PIK3C2G: variants seen among roughly 807,000 people sequenced by gnomAD.
PIK3C2G encodes phosphatidylinositol-4-phosphate 3-kinase catalytic subunit type 2 gamma.
A neutral mutation model predicts 181.1 loss-of-function variants in PIK3C2G; 168 were observed. That is an observed-to-expected ratio of 0.93 (90% CI 0.82 to 1.05). The LOEUF is 1.05. Among genes scored for constraint, PIK3C2G ranks in the 50% least tolerant of loss-of-function variants. PIK3C2G has a pLI of 0.00. For missense variants in PIK3C2G, 1,869 were observed against 1,732.8 expected (o/e 1.08, Z -1.40); for synonymous variants, 573 against 592.2 (o/e 0.97, Z 0.47).
chr12:18,668,775 C>T, the PIK3C2G span, among the ~76,000 whole-genome samples: 4 of 152,098 alleles, frequency 2.6e-5, no homozygotes, highest in Admixed American at 1.3e-4. Flanking sequence ...GGAATGCTGC[C>T]TGCTGATATT....
At chr12:18,614,866 A>G (rs1490111556) in intron 31 of PIK3C2G, among the ~76,000 whole-genome samples, 1 of 152,110 alleles carries the variant, frequency 6.6e-6, no homozygotes, top group East Asian at 1.9e-4. Flanking sequence ...TCTGCTTACC[A>G]CTGAAACCAT....
chr12:18,610,552 G>C (rs904850817), intron 31 of PIK3C2G, among the ~76,000 whole-genome samples: 1 of 152,006 alleles, frequency 6.6e-6, no homozygotes, highest in Non-Finnish European at 1.5e-5. Flanking sequence ...CAAACCTCTG[G>C]TGCTCACTAT....
intron 20 of PIK3C2G, among the ~76,000 whole-genome samples, chr12:18,494,947 C>T (rs1940880382): frequency 1.3e-5 from 2 of 151,804 alleles, no homozygotes; most frequent in South Asian, 4.1e-4. Flanking sequence ...CTTACTGAAT[C>T]AATTTGATTT....
intron 31 of PIK3C2G, among the ~76,000 whole-genome samples, chr12:18,625,426 T>C (rs1000189655): frequency 6.6e-6 from 1 of 151,808 alleles, no homozygotes; most frequent in Non-Finnish European, 1.5e-5. Context: ...CTAAGACTTT[T>C]ATTACGGCCT....
At chr12:18,610,543 A>G (rs1426784429) in intron 31 of PIK3C2G, among the ~76,000 whole-genome samples, 1 of 152,156 alleles carries the variant, frequency 6.6e-6, no homozygotes, top group African/African-American at 2.4e-5. Context: ...GCGTGTTTGC[A>G]AACCTCTGGT....
chr12:18,443,382 T>G (rs1946852419), intron 18 of PIK3C2G, among the ~76,000 whole-genome samples: 1 of 152,170 alleles, frequency 6.6e-6, no homozygotes, highest in South Asian at 2.1e-4. Flanking sequence ...GTATATTTAT[T>G]TAATTTGAGA....
intron 15 of PIK3C2G, among the ~76,000 whole-genome samples, chr12:18,392,578 T>G (rs1290725229): frequency 6.6e-6 from 1 of 151,614 alleles, no homozygotes; most frequent in Non-Finnish European, 1.5e-5. Flanking sequence ...GGCTTTCACT[T>G]AAATGTCACC....
intron 4 of PIK3C2G, among the ~76,000 whole-genome samples, chr12:18,292,815 A>C (rs1032641587): frequency 1.3e-5 from 2 of 152,190 alleles, no homozygotes; most frequent in African/African-American, 4.8e-5. Context: ...AGGAAGAAGA[A>C]CCAACGGTGG....
At chr12:18,300,090 A>G (rs1163487910) in intron 5 of PIK3C2G, among the ~76,000 whole-genome samples, 1 of 151,926 alleles carries the variant, frequency 6.6e-6, no homozygotes, top group Admixed American at 6.6e-5. Context: ...TTTTGTGACT[A>G]GTTTGAAAAT....
chr12:18,437,787 C>T (rs561784189), intron 18 of PIK3C2G, among the ~76,000 whole-genome samples: 2 of 152,030 alleles, frequency 1.3e-5, no homozygotes, highest in South Asian at 4.1e-4. Context: ...TTACACAAGA[C>T]AGTCTAGATA....
chr12:18,405,397 G>GTGTTGTTGTTGTTGTTGT (rs58282294), intron 16 of PIK3C2G, among the ~76,000 whole-genome samples: 2 of 139,788 alleles, frequency 1.4e-5, no homozygotes, highest in Non-Finnish European at 3.1e-5. Flanking sequence ...AGCAACATTT[G>GTGTTGTTGTTGTTGTTGT]TGTTGTTGTT....
chr12:18,420,542 T>A (rs1945423919), intron 16 of PIK3C2G, among the ~76,000 whole-genome samples: 1 of 152,146 alleles, frequency 6.6e-6, no homozygotes, highest in African/African-American at 2.4e-5. Context: ...TGGTTAAAAA[T>A]ATTAGATCAC....
chr12:18,698,522 A>T, the PIK3C2G span, among the ~76,000 whole-genome samples: 2 of 152,178 alleles, frequency 1.3e-5, no homozygotes, highest in African/African-American at 2.4e-5. Context: ...AAGGTTAATC[A>T]TTAAAGCTTT....
chr12:18,309,180 G>C (rs1393687761), intron 5 of PIK3C2G, among the ~76,000 whole-genome samples: 1 of 151,654 alleles, frequency 6.6e-6, no homozygotes, highest in African/African-American at 2.4e-5. Flanking sequence ...AGAGTCCATT[G>C]GTCTGTCTTG....
At chr12:18,463,831 A>G (rs915927109) in intron 18 of PIK3C2G, among the ~76,000 whole-genome samples, 1 of 152,134 alleles carries the variant, frequency 6.6e-6, no homozygotes, top group African/African-American at 2.4e-5. Context: ...TATATTATCC[A>G]TAAATGAGTT....
chr12:18,524,987 A>G lies in PIK3C2G; in HGVS notation c.3324-13169A>G, dbSNP rs1403421438. On this transcript the variant is annotated intron_variant, in intron 24 of 32. Coordinates refer to ENST00000538779, the MANE Select transcript of PIK3C2G (RefSeq NM_001288772.2). The stretch of plus-strand genomic sequence containing the variant: ...TGAGGGCTTTATAAAAGTTTGTTGC[A>G]ATTAATGTAAGTGTTCCAAATGAAG... 3.9e-5 allele frequency among the ~76,000 whole-genome samples: 6 copies of G among 152,316 alleles called. No individual in the cohort carries two copies. The South Asian group carries it at 8.3e-4, about 21-fold the overall frequency.
intron 24 of PIK3C2G, among the ~76,000 whole-genome samples, chr12:18,528,311 T>C (rs886525562): frequency 1.3e-5 from 2 of 152,170 alleles, no homozygotes; most frequent in Admixed American, 1.3e-4. Flanking sequence ...TTTGTAGTCA[T>C]TATTTCTATT....
intron 11 of PIK3C2G, among the ~76,000 whole-genome samples, chr12:18,356,855 G>T (rs1940784765): frequency 7.9e-6 from 1 of 127,156 alleles, no homozygotes; most frequent in South Asian, 2.9e-4. Flanking sequence ...TGGAGCCTGG[G>T]GTTTTTATGG....
intron 18 of PIK3C2G, among the ~76,000 whole-genome samples, chr12:18,435,512 G>A (rs1946398979): frequency 6.6e-6 from 1 of 151,964 alleles, no homozygotes; most frequent in Non-Finnish European, 1.5e-5. Context: ...CTTAATTCCA[G>A]TTTCCTCTTT....
Sources: gnomAD v4.1 joint callset for allele counts (sites outside exome capture counted in the v4.1 genomes callset) on GRCh38, gnomAD v4.1.1 for gene constraint, MANE v1.5 for transcripts, NCBI Gene and HGNC (gene_info 2026-07-23, HGNC 2026-07-21) for gene names.